TRPC5: variants seen among roughly 807,000 people sequenced by gnomAD.
TRPC5 encodes the protein short transient receptor potential channel 5.
Under a neutral mutation model 56.5 loss-of-function variants are expected in TRPC5, and 9 were observed. The observed-to-expected ratio is 0.16, with a 90% CI of 0.10 to 0.28. The LOEUF (loss-of-function observed/expected upper bound fraction) is 0.28, where lower values mean the gene tolerates loss of function less well. Among genes scored for constraint, TRPC5 ranks in the 10% least tolerant of loss-of-function variants. TRPC5 has a pLI of 1.00. For missense variants in TRPC5, 469 were observed against 748.9 expected, an observed-to-expected ratio of 0.63 and a Z score of 4.36; for synonymous variants, 282 against 278.5, an observed-to-expected ratio of 1.01 and a Z score of -0.13.
chrX:111,966,046 G>T (rs975333901), intron 1 of TRPC5, among the ~76,000 whole-genome samples: 5 of 111,355 alleles, frequency 4.5e-5, no homozygotes, highest in Non-Finnish European at 7.6e-5. Context: ...AGGAGCTGGT[G>T]TTTTGAAAAG....
intron 6 of TRPC5, among the ~76,000 whole-genome samples, chrX:111,842,314 T>A (rs910338745): frequency 5.6e-5 from 6 of 106,597 alleles, no homozygotes; most frequent in Admixed American, 1.0e-4. Context: ...ATTTTTGTAT[T>A]TTTAGTAGAG....
At chrX:111,852,888 T>A (rs972409719) in intron 4 of TRPC5, among the ~76,000 whole-genome samples, 1 of 111,815 alleles carries the variant, frequency 8.9e-6, no homozygotes, top group Non-Finnish European at 1.9e-5. Flanking sequence ...TTACCAGATG[T>A]TGGGGCTAAA....
At chrX:111,819,353 G>A (rs1921962371) in intron 7 of TRPC5, among the ~76,000 whole-genome samples, 2 of 111,541 alleles carry the variant, frequency 1.8e-5, no homozygotes, top group Non-Finnish European at 3.8e-5. Context: ...AATTTTGGGA[G>A]CACCATTCTA....
At chrX:111,929,489 C>T (rs900243555) in intron 2 of TRPC5, among the ~76,000 whole-genome samples, 5 of 112,343 alleles carry the variant, frequency 4.5e-5, no homozygotes, top group East Asian at 5.6e-4. Context: ...TTAATCCTGA[C>T]GATTCCATGA....
At chrX:111,933,683 G>A (rs902423984) in intron 2 of TRPC5, among the ~76,000 whole-genome samples, 2 of 111,395 alleles carry the variant, frequency 1.8e-5, no homozygotes, top group African/African-American at 6.5e-5. Context: ...CCCTTGGTCC[G>A]TGTTAGATCA....
chrX:111,775,614 T>C lies in TRPC5; in HGVS notation c.*699A>G, dbSNP rs1945871167. The stretch of plus-strand genomic sequence containing the variant: ...AAAATAATTCGCCTAACTTATTAGA[T>C]ATGACATATACTATGGGGTAAATAT... On this transcript the variant is annotated 3_prime_UTR_variant, in exon 11 of 11. Coordinates refer to ENST00000262839, the MANE Select transcript of TRPC5 (RefSeq NM_012471.3). The C allele has an allele frequency of 1.8e-5, 2 of 112,375 alleles. No individual in the cohort carries two copies. Among genetic ancestry groups the C allele is most frequent in the South Asian group, 7.3e-4 (2 of 2,725 alleles). The allele number at this position is 112,375 out of a possible 1,213,427, so 9.3% of individuals were successfully genotyped here.
At position 111,959,587 on chromosome X, in the gene TRPC5, C is replaced by T. The variant is rs761127791; in HGVS notation, c.-21-7146G>A. Among the ~76,000 whole-genome samples, 19 of 111,337 alleles carry T rather than the reference C, an allele frequency of 1.7e-4. No individual in the cohort carries two copies. The East Asian group carries it at 4.8e-3, about 28-fold the overall frequency. On this transcript the variant is annotated intron_variant, in intron 1 of 10. Transcript: ENST00000262839. ...ACAATTCAAAGGATTTGGGTGAGGG[C>T]GATGGGACATAATCATGTCACATTT...
rs1313199045 is a variant in TRPC5 at position 111,769,342 on chromosome X, A to G, written c.*6971T>C. On this transcript the variant is annotated 3_prime_UTR_variant, in exon 11 of 11. Transcript: ENST00000262839. ...ACTGTTTAAACACAAAGGGTTAATC[A>G]TTATGGTTGTTCCCAAATCAGTGAA... Among the ~76,000 whole-genome samples, 1 of 112,228 alleles carries G rather than the reference A, an allele frequency of 8.9e-6. No homozygotes were observed. Among genetic ancestry groups the G allele is most frequent in the Non-Finnish European group, 1.9e-5 (1 of 53,223 alleles).
intron 7 of TRPC5, among the ~76,000 whole-genome samples, chrX:111,825,862 C>T (rs1333976668): frequency 9.0e-6 from 1 of 111,275 alleles, no homozygotes. Context: ...CTGCTGGGGG[C>T]ACCAAAATAA....
At chrX:112,049,460 T>C (rs1326996140) in intron 1 of TRPC5, among the ~76,000 whole-genome samples, 1 of 106,966 alleles carries the variant, frequency 9.3e-6, no homozygotes, top group African/African-American at 3.4e-5. Context: ...CACACATATA[T>C]ATACTATACA....
At chrX:111,962,693 G>T (rs1927417529) in intron 1 of TRPC5, among the ~76,000 whole-genome samples, 2 of 112,628 alleles carry the variant, frequency 1.8e-5, no homozygotes, top group South Asian at 7.3e-4. Context: ...GGCAGGGTTT[G>T]AGAAGATTGA....
At chrX:111,979,921 T>C (rs531355323) in intron 1 of TRPC5, among the ~76,000 whole-genome samples, 2 of 111,776 alleles carry the variant, frequency 1.8e-5, no homozygotes, top group African/African-American at 6.5e-5. Flanking sequence ...GCAATTTCTT[T>C]TAAAAGTAAG....
intron 5 of TRPC5, among the ~76,000 whole-genome samples, chrX:111,851,479 G>A (rs930786650): frequency 9.2e-6 from 1 of 108,959 alleles, no homozygotes; most frequent in African/African-American, 3.4e-5. Context: ...GATAATTCGA[G>A]CTGAATGTTG....
At chrX:111,922,281 A>C (rs146330782) in intron 2 of TRPC5, among the ~76,000 whole-genome samples, 1,589 of 111,751 alleles carry the variant, frequency 0.014, 16 homozygotes, top group Middle Eastern at 0.055. Context: ...ATTCATACAC[A>C]CAATGTTGTC....
chrX:111,789,882 TG>T (rs2148554718), intron 7 of TRPC5, among the ~76,000 whole-genome samples: 1 of 112,364 alleles, frequency 8.9e-6, no homozygotes, highest in Non-Finnish European at 1.9e-5. Flanking sequence ...CCAGTTAGAA[TG>T]GCAATCATTA....
intron 5 of TRPC5, among the ~76,000 whole-genome samples, chrX:111,848,752 T>C (rs1034455251): frequency 1.8e-5 from 2 of 112,483 alleles, no homozygotes; most frequent in Non-Finnish European, 3.7e-5. Flanking sequence ...CTGCTTCGGA[T>C]AGACTTTTAG....
At chrX:112,044,693 G>T (rs899856998) in intron 1 of TRPC5, among the ~76,000 whole-genome samples, 1 of 111,620 alleles carries the variant, frequency 9.0e-6, no homozygotes, top group African/African-American at 3.3e-5. Context: ...CATTTTCCTT[G>T]TGCTATTCTA....
intron 1 of TRPC5, among the ~76,000 whole-genome samples, chrX:112,011,375 A>AT (rs200586362): frequency 0.016 from 1,746 of 111,747 alleles, 34 homozygotes; most frequent in African/African-American, 0.054. Flanking sequence ...ATATGCATAT[A>AT]TTTTTATAAT....
chrX:111,856,080 G>A (rs1380678591), intron 3 of TRPC5, among the ~76,000 whole-genome samples: 1 of 111,401 alleles, frequency 9.0e-6, no homozygotes, highest in African/African-American at 3.3e-5. Context: ...AGAGAGGATC[G>A]CATGGCTAAG....
Sources: allele counts gnomAD v4.1 joint callset (sites outside exome capture counted in the v4.1 genomes callset), GRCh38; gene constraint gnomAD v4.1.1; transcripts MANE v1.5; gene names NCBI Gene and HGNC (gene_info 2026-07-23, HGNC 2026-07-21).